Variants in KNDC1 observed in about 807,000 individuals in gnomAD.
KNDC1 encodes kinase non-catalytic C-lobe domain containing 1, also known as kinase non-catalytic C-lobe domain-containing protein 1.
In KNDC1, 106 loss-of-function variants were observed where a neutral mutation model predicts 172.8. The ratio of observed to expected loss-of-function variants is 0.61; its 90% CI spans 0.52 to 0.72. The LOEUF (loss-of-function observed/expected upper bound fraction) is 0.72. Among genes scored for constraint, KNDC1 ranks in the 30% least tolerant of loss-of-function variants. The pLI, the probability that KNDC1 is intolerant of heterozygous loss-of-function variation, is 0.00. For missense variants in KNDC1, 2,325 were observed against 2,394.5 expected (o/e 0.97, Z 0.61); for synonymous variants, 1,083 against 1,062.2 (o/e 1.02, Z -0.38).
chr10:133,192,731 A>C (rs1854095446), intron 9 of KNDC1, among the ~76,000 whole-genome samples: 2 of 152,214 alleles, frequency 1.3e-5, no homozygotes, highest in Admixed American at 1.3e-4. Flanking sequence ...GAGACAATAG[A>C]AATTACACAG....
chr10:133,188,607 G>A lies in KNDC1; in HGVS notation c.1395G>A (p.Leu465=). The part of the protein sequence containing the change: ...RPFREYELWA[L]CLACLRALQT... Reference sequence around the variant, plus strand: ...TCCGGGAGTACGAGCTGTGGGCCCTGTGCCTGGCCTGCCTCCGCGCACTGC... The same window carrying A: ...TCCGGGAGTACGAGCTGTGGGCCCTATGCCTGGCCTGCCTCCGCGCACTGC... Residue 465 remains leucine (L), a synonymous_variant, in exon 7 of 30, where the codon CTG becomes CTA. Coordinates refer to ENST00000304613, the MANE Select transcript of KNDC1 (RefSeq NM_152643.8). 1 of 1,598,758 alleles carries A rather than the reference G, an allele frequency of 6.3e-7. No individual in the cohort carries two copies. The highest frequency in any genetic ancestry group is 8.5e-7 in the Non-Finnish European group (1 of 1,174,494).
rs749836811 is a variant in KNDC1, at chr10:133,186,215, C to T, written c.867C>T (p.Leu289=). 27 of 1,577,260 alleles carry T rather than the reference C, an allele frequency of 1.7e-5. No homozygotes were observed. The highest frequency in any genetic ancestry group is 2.2e-5 in the Non-Finnish European group (25 of 1,162,332). Residue 289 remains leucine, a synonymous_variant, in exon 6 of 30, where the codon CTC becomes CTT. Transcript: ENST00000304613. ...TCGTCCTGGATGCCGAGCGCACCCT[C>T]GGGGAGCTGGACAGAGACGCCCTCA... ...AGLVLDAERT[L]GELDRDALRR... is the part of the protein sequence containing the mutation.
At chr10:133,202,145 G>C (rs1362213152) in intron 17 of KNDC1, 2 of 700,596 alleles carry the variant, frequency 2.9e-6, no homozygotes, top group African/African-American at 1.7e-5. Context: ...GGACAGGGAA[G>C]GGCTTTTCTC....
At chr10:133,182,968 AGGCGGTGTG>A (rs1853765215) in intron 3 of KNDC1, among the ~76,000 whole-genome samples, 2 of 146,498 alleles carry the variant, frequency 1.4e-5, no homozygotes, top group African/African-American at 2.6e-5. Flanking sequence ...GTGTGGGCAC[AGGCGGTGTG>A]GGCACAGGCG....
chr10:133,167,975 C>T (rs961480758), intron 2 of KNDC1, among the ~76,000 whole-genome samples: 3 of 152,240 alleles, frequency 2.0e-5, no homozygotes, highest in African/African-American at 4.8e-5. Flanking sequence ...GCTCCCACTG[C>T]GTGGCCCCTG....
Position 133,206,694 on chromosome 10 carries a change from C to T in KNDC1, c.3397C>T (p.Gln1133Ter), listed in dbSNP as rs1845202984. 3.1e-6 allele frequency: 5 copies of T among 1,613,538 alleles called. No homozygotes were observed. Among genetic ancestry groups the T allele is most frequent in the Middle Eastern group, 1.7e-4 (1 of 6,056 alleles). Residue 1133 changes from glutamine (Q) to a stop codon, truncating the protein, a stop_gained, in exon 18 of 30, where the codon CAG (glutamine) becomes TAG (stop). Transcript: ENST00000304613. LOFTEE classifies it high-confidence loss of function. ...TGTGTTTCGTCCCCAGGAGCTGGAA[C>T]AGCAGCTCATGATGGAGAAAAGAAA... ...LPDAQSPELE[Q>*]QLMMEKRNYR...
Position 133,214,239 on chromosome 10 carries a change from C to T in KNDC1, c.4677+117C>T. 6 of 1,144,158 alleles carry T rather than the reference C, an allele frequency of 5.2e-6. No homozygotes were observed. In the South Asian group the frequency reaches 8.8e-5, roughly 17 times the overall value. 70.9% of individuals were successfully genotyped at this position (1,144,158 alleles called of 1,614,324 possible). A position where few individuals can be genotyped will look rare whatever the true frequency, so the allele number is the denominator to read the frequency against. ...CTCTCCCAATGCAGTGAACCCAACT[C>T]TGTGTCCCTTGGAACCACACCCGAC... On this transcript the variant is annotated intron_variant, in intron 26 of 29. Coordinates refer to ENST00000304613, the MANE Select transcript of KNDC1 (RefSeq NM_152643.8).
rs115879152 is a variant in KNDC1, at chr10:133,215,968, C to T, written c.4677+1846C>T. Among the ~76,000 whole-genome samples, 708 of 152,346 alleles carry T rather than the reference C, an allele frequency of 4.6e-3. 5 individuals are homozygous for T. The highest frequency in any genetic ancestry group is 0.016 in the African/African-American group (665 of 41,574). ...CCTCCTCACGGGAGCGGACGGACCT[C>T]GCCGGAGACCCACTTCTAAAAGCAC... On this transcript the variant is annotated intron_variant, in intron 26 of 29. Coordinates refer to ENST00000304613, the MANE Select transcript of KNDC1 (RefSeq NM_152643.8).
At chr10:133,193,736 TAC>T (rs1854119267) in intron 9 of KNDC1, among the ~76,000 whole-genome samples, 1 of 152,186 alleles carries the variant, frequency 6.6e-6, no homozygotes, top group Non-Finnish European at 1.5e-5. Context: ...TTGAAAAAGA[TAC>T]ATTATGAAAA....
intron 29 of KNDC1, among the ~76,000 whole-genome samples, chr10:133,222,269 C>T (rs61860638): frequency 3.3e-4 from 47 of 144,434 alleles, no homozygotes; most frequent in African/African-American, 6.9e-4. Flanking sequence ...GGCGATAGAG[C>T]GAGACTCCGT....
At chr10:133,180,912 G>C (rs889377716) in intron 3 of KNDC1, among the ~76,000 whole-genome samples, 22 of 152,368 alleles carry the variant, frequency 1.4e-4, no homozygotes, top group African/African-American at 5.3e-4. Flanking sequence ...CTAACAGATT[G>C]GCAAAGCCGC....
chr10:133,160,391 G>A lies in KNDC1; in HGVS notation c.-77G>A. On this transcript the variant is annotated 5_prime_UTR_variant, in exon 1 of 30. An upstream start codon of the reference 5' UTR is lost. Coordinates refer to ENST00000304613, the MANE Select transcript of KNDC1 (RefSeq NM_152643.8). ...GGGCGAGGGCCGGGCGCGTCTCCAT[G>A]GAGCCAGGGCGCGCGTAGCCGAGCC... 3 of 811,866 alleles carry A rather than the reference G, an allele frequency of 3.7e-6. No homozygotes were observed. The highest frequency in any genetic ancestry group is 4.9e-6 in the Non-Finnish European group (3 of 611,796). The allele number at this position is 811,866 out of a possible 1,614,324, so 50.3% of individuals were successfully genotyped here.
chr10:133,209,539 C>A lies in KNDC1; in HGVS notation c.3795-1072C>A, dbSNP rs533773684. ...TGGCTTTGTGCATGTGTGTGGTGTG[C>A]GCGTCTGGTTGTCGAGTTCTGTGTG... On this transcript the variant is annotated intron_variant, in intron 20 of 29. Transcript: ENST00000304613. This position sits in a 1 kb window ranked among gnomAD's most constrained non-coding sequence, Gnocchi z 4.9. 1.3e-3 allele frequency among the ~76,000 whole-genome samples: 193 copies of A among 151,406 alleles called. 1 individual carries two copies. Among genetic ancestry groups the A allele is most frequent in the African/African-American group, 4.6e-3 (189 of 41,188 alleles).
At chr10:133,220,519 G>A (rs1268913139) in intron 29 of KNDC1, among the ~76,000 whole-genome samples, 2 of 23,764 alleles carry the variant, frequency 8.4e-5, no homozygotes, top group African/African-American at 1.1e-4. Flanking sequence ...TCAGGCGGCC[G>A]CGCGCCCAGG....
Position 133,189,831 on chromosome 10 carries a change from A to AG in KNDC1, c.1575+18_1575+19insG. The AG allele has an allele frequency of 7.2e-7, 1 of 1,389,252 alleles. No homozygotes were observed. The highest frequency in any genetic ancestry group is 9.9e-7 in the Non-Finnish European group (1 of 1,008,876). 86.1% of individuals were successfully genotyped at this position (1,389,252 alleles called of 1,614,324 possible). ...CTGAAAAGGTACCCGGGCCCTCCCC[A>AG]CCCTGCCCCAGCCCTGCCCCCAGCC... On this transcript the variant is annotated intron_variant, in intron 9 of 29. Transcript: ENST00000304613.
intron 6 of KNDC1, among the ~76,000 whole-genome samples, chr10:133,187,715 G>A (rs1023929951): frequency 3.9e-5 from 6 of 152,216 alleles, no homozygotes; most frequent in African/African-American, 1.4e-4. Flanking sequence ...GTGGAGAGTG[G>A]CCTCCCAGGC....
chr10:133,166,263 C>T (rs997755795), intron 1 of KNDC1, among the ~76,000 whole-genome samples: 21 of 152,324 alleles, frequency 1.4e-4, no homozygotes, highest in African/African-American at 3.8e-4. Context: ...CCTCACGGGC[C>T]CCACCCATAG....
At chr10:133,169,775 G>C (rs1431163872) in intron 3 of KNDC1, among the ~76,000 whole-genome samples, 1 of 152,182 alleles carries the variant, frequency 6.6e-6, no homozygotes, top group East Asian at 1.9e-4. Flanking sequence ...CACGTGGCCT[G>C]GTGGCTGTGA....
Position 133,220,068 on chromosome 10 carries a change from C to A in KNDC1, c.4974C>A (p.Gly1658=), listed in dbSNP as rs1304666151. ...TGCACATCCAGCAGCTGGAGACAGG[C>A]GGCTTCACCATGACCAACGGGGCCC... ...LAMHIQQLET[G]GFTMTNGAHR... is the part of the protein sequence containing the mutation. The change falls in exon 29 of 30, where the codon GGC becomes GGA. Residue 1658 remains glycine, a synonymous_variant. Coordinates refer to ENST00000304613, the MANE Select transcript of KNDC1 (RefSeq NM_152643.8). The A allele has an allele frequency of 1.3e-6, 2 of 1,566,210 alleles. No individual in the cohort carries two copies. The highest frequency in any genetic ancestry group is 1.7e-6 in the Non-Finnish European group (2 of 1,155,498).
Sources: allele counts gnomAD v4.1 joint callset (sites outside exome capture counted in the v4.1 genomes callset), GRCh38; gene constraint gnomAD v4.1.1; non-coding constraint Gnocchi (gnomAD v3.1); transcripts MANE v1.5; gene names NCBI Gene and HGNC (gene_info 2026-07-23, HGNC 2026-07-21).